Variants in NELL1 observed in about 807,000 individuals in gnomAD.
NELL1 encodes the protein protein kinase C-binding protein NELL1.
NELL1 carries 76 observed loss-of-function variants against 107.4 expected under a neutral mutation model. The observed-to-expected ratio is 0.71, with a 90% CI of 0.59 to 0.86. The LOEUF (loss-of-function observed/expected upper bound fraction) is 0.86, where lower values mean the gene tolerates loss of function less well. Among genes scored for constraint, NELL1 ranks in the 40% least tolerant of loss-of-function variants. NELL1 has a pLI of 0.00. For synonymous variants in NELL1, 353 were observed against 341.2 expected (o/e 1.03, Z -0.38); for missense variants, 1,024 against 1,005.5 (o/e 1.02, Z -0.25).
intron 2 of NELL1, among the ~76,000 whole-genome samples, chr11:20,725,015 T>C (rs1379424301): frequency 6.6e-6 from 1 of 152,206 alleles, no homozygotes; most frequent in Admixed American, 6.5e-5. Context: ...AGTGCCACAC[T>C]TTAAAACCAT....
chr11:21,445,258 A>G (rs139452599), intron 15 of NELL1, among the ~76,000 whole-genome samples: 3 of 152,258 alleles, frequency 2.0e-5, no homozygotes, highest in East Asian at 1.9e-4. Context: ...ACTTACTGCT[A>G]TACCAGTGAG....
intron 12 of NELL1, among the ~76,000 whole-genome samples, chr11:21,102,026 T>A (rs144207204): frequency 0.019 from 2,917 of 152,234 alleles, 76 homozygotes; most frequent in African/African-American, 0.066. Context: ...CTAATTTTTG[T>A]GTTTTTAGTA....
In NELL1 at chr11:20,978,037, A is replaced by C. The variant is rs115031557; in HGVS notation, c.1300+17477A>C. ...GCTATTTCTCATCTTTGTAAGAGAG[A>C]ATTGAGACTCACCCTAAGCTTACCT... On this transcript the variant is annotated intron_variant, in intron 12 of 19. Coordinates refer to ENST00000357134, the MANE Select transcript of NELL1 (RefSeq NM_006157.5). Among the ~76,000 whole-genome samples, 552 of 152,348 alleles carry C rather than the reference A, an allele frequency of 3.6e-3. 4 individuals are homozygous for C. Among genetic ancestry groups the C allele is most frequent in the African/African-American group, 0.012 (515 of 41,590 alleles).
In NELL1 at chr11:20,937,786, C is replaced by A. The variant is rs1343549512; in HGVS notation, c.998C>A (p.Pro333Gln). Reference protein sequence around the residue: ...IAGQCCKVCRPKCIYGGKVLA... With the variant: ...IAGQCCKVCRQKCIYGGKVLA... Reference sequence around the variant, plus strand: ...GACCCATTTTTATGTTTTATTACAGCAAAATGTATCTATGGAGGAAAAGTT... The same window carrying A: ...GACCCATTTTTATGTTTTATTACAGAAAAATGTATCTATGGAGGAAAAGTT... The change falls in exon 10 of 20, where the codon CCA becomes CAA. Residue 333 changes from proline (P) to glutamine (Q), a missense_variant and splice_region_variant. Pro to Gln is a moderately conservative substitution (Grantham distance 76). Coordinates refer to ENST00000357134, the MANE Select transcript of NELL1 (RefSeq NM_006157.5). 9.3e-6 allele frequency: 15 copies of A among 1,613,532 alleles called. No individual in the cohort carries two copies. The highest frequency in any genetic ancestry group is 1.1e-5 in the Non-Finnish European group (13 of 1,179,628).
At chr11:21,372,361 T>TG (rs1232662246) in intron 15 of NELL1, among the ~76,000 whole-genome samples, 3 of 151,912 alleles carry the variant, frequency 2.0e-5, no homozygotes, top group African/African-American at 7.2e-5. Context: ...ACAGAATTAA[T>TG]GGGGAAAGAA....
At chr11:21,537,084 T>C (rs569583750) in intron 16 of NELL1, among the ~76,000 whole-genome samples, 1 of 152,316 alleles carries the variant, frequency 6.6e-6, no homozygotes, top group East Asian at 1.9e-4. Context: ...CTGAATTTCT[T>C]TTTATTTCCA....
chr11:21,239,867 A>T (rs1858307451), intron 14 of NELL1, among the ~76,000 whole-genome samples: 1 of 152,052 alleles, frequency 6.6e-6, no homozygotes, highest in East Asian at 1.9e-4. Context: ...GAGAAGGTGG[A>T]ACAGGTGATG....
chr11:21,372,437 T>C (rs1367516478), intron 15 of NELL1, among the ~76,000 whole-genome samples: 1 of 152,052 alleles, frequency 6.6e-6, no homozygotes, highest in Non-Finnish European at 1.5e-5. Flanking sequence ...TTGCAATAAT[T>C]GTTAGGATTT....
intron 14 of NELL1, among the ~76,000 whole-genome samples, chr11:21,242,192 G>A (rs1474869910): frequency 6.6e-6 from 1 of 152,148 alleles, no homozygotes; most frequent in Admixed American, 6.6e-5. Context: ...ACTTCAGTGG[G>A]TCCAACACAA....
At chr11:21,218,160 A>AT (rs1042412876) in intron 13 of NELL1, among the ~76,000 whole-genome samples, 1 of 152,054 alleles carries the variant, frequency 6.6e-6, no homozygotes, top group South Asian at 2.1e-4. Flanking sequence ...CTAAATGTGT[A>AT]TTTTTCACCT....
chr11:20,942,027 T>C (rs1850865877), intron 10 of NELL1, among the ~76,000 whole-genome samples: 1 of 152,210 alleles, frequency 6.6e-6, no homozygotes. Context: ...CTTACTTACA[T>C]TGTTTCATTT....
intron 12 of NELL1, among the ~76,000 whole-genome samples, chr11:21,049,737 G>A (rs750993005): frequency 1.1e-4 from 16 of 151,856 alleles, no homozygotes; most frequent in Non-Finnish European, 1.9e-4. Context: ...GAGTGCTGTG[G>A]CATCATCTCA....
intron 12 of NELL1, among the ~76,000 whole-genome samples, chr11:20,997,731 G>C (rs973533038): frequency 2.0e-5 from 3 of 152,202 alleles, no homozygotes; most frequent in African/African-American, 7.2e-5. Flanking sequence ...GCTTACGCCT[G>C]TAATCTCAGC....
chr11:21,200,737 G>C (rs913246555), intron 13 of NELL1, among the ~76,000 whole-genome samples: 1 of 152,108 alleles, frequency 6.6e-6, no homozygotes, highest in African/African-American at 2.4e-5. Context: ...GTATTGCCTA[G>C]GTTTTCTTCT....
chr11:21,476,082 CTTAAA>C (rs1273531136), intron 15 of NELL1, among the ~76,000 whole-genome samples: 1 of 152,088 alleles, frequency 6.6e-6, no homozygotes, highest in Non-Finnish European at 1.5e-5. Flanking sequence ...TACCTTTGTA[CTTAAA>C]TTAACTTACT....
intron 4 of NELL1, among the ~76,000 whole-genome samples, chr11:20,870,541 A>G (rs1321618017): frequency 6.6e-6 from 1 of 152,070 alleles, no homozygotes; most frequent in Non-Finnish European, 1.5e-5. Flanking sequence ...TGATTTTCTT[A>G]TTATCATCCA....
intron 4 of NELL1, among the ~76,000 whole-genome samples, chr11:20,872,347 A>T (rs1227333768): frequency 6.6e-6 from 1 of 151,670 alleles, no homozygotes; most frequent in African/African-American, 2.4e-5. Context: ...TGCCTAGCTA[A>T]TTTTTATATT....
intron 12 of NELL1, among the ~76,000 whole-genome samples, chr11:21,033,437 T>C (rs1197653344): frequency 1.3e-5 from 2 of 152,170 alleles, no homozygotes; most frequent in Non-Finnish European, 2.9e-5. Flanking sequence ...CCTCTATGTG[T>C]CCATTTGTTC....
At chr11:21,116,122 C>G (rs959219351) in intron 13 of NELL1, among the ~76,000 whole-genome samples, 2 of 152,024 alleles carry the variant, frequency 1.3e-5, no homozygotes, top group Non-Finnish European at 2.9e-5. Context: ...TTTATCAAGG[C>G]CATTTATGAA....
Sources: gnomAD v4.1 joint callset for allele counts (sites outside exome capture counted in the v4.1 genomes callset) on GRCh38, gnomAD v4.1.1 for gene constraint, MANE v1.5 for transcripts, NCBI Gene and HGNC (gene_info 2026-07-23, HGNC 2026-07-21) for gene names.